Variants in KCNQ5 observed in about 807,000 individuals in gnomAD.
KCNQ5 encodes potassium voltage-gated channel subfamily KQT member 5.
A neutral mutation model predicts 98.2 loss-of-function variants in KCNQ5; 30 were observed. That is an observed-to-expected ratio of 0.31 (90% CI 0.23 to 0.41). The LOEUF is 0.41. KCNQ5 is among the 10% of genes least tolerant of loss of function. The probability of loss-of-function intolerance (pLI) is 1.00; values close to 1 mark genes in which losing one functional copy is unlikely to be tolerated. For synonymous variants in KCNQ5, 458 were observed against 449.4 expected (o/e 1.02, Z -0.24); for missense variants, 835 against 1,182.5 (o/e 0.71, Z 4.31).
intron 1 of KCNQ5, among the ~76,000 whole-genome samples, chr6:72,883,597 T>A (rs1379659618): frequency 6.6e-6 from 1 of 151,992 alleles, no homozygotes; most frequent in East Asian, 1.9e-4. Flanking sequence ...GTCAAAAAAA[T>A]AGAGCATTTG....
intron 9 of KCNQ5, among the ~76,000 whole-genome samples, chr6:73,131,055 A>G (rs1776212973): frequency 6.6e-6 from 1 of 152,178 alleles, no homozygotes; most frequent in African/African-American, 2.4e-5. Context: ...TAAGTGCTTT[A>G]AATGATACTA....
intron 2 of KCNQ5, among the ~76,000 whole-genome samples, chr6:73,023,553 C>T (rs1770710563): frequency 6.6e-6 from 1 of 152,166 alleles, no homozygotes; most frequent in Non-Finnish European, 1.5e-5. Context: ...CCAATATTAA[C>T]ACACTTCATT....
At chr6:73,029,515 G>A (rs9342995) in intron 2 of KCNQ5, among the ~76,000 whole-genome samples, 149,668 of 151,200 alleles carry the variant, frequency 0.99, 74,096 homozygotes, top group East Asian at 1. Flanking sequence ...TTTTTAAGCC[G>A]GTATAGAAAC....
intron 1 of KCNQ5, among the ~76,000 whole-genome samples, chr6:72,781,776 C>A (rs1425828158): frequency 1.3e-5 from 2 of 152,120 alleles, no homozygotes; most frequent in Non-Finnish European, 2.9e-5. Flanking sequence ...CTCAAGCCTG[C>A]TTTCAACTTG....
chr6:72,803,149 A>T (rs1774749117), intron 1 of KCNQ5, among the ~76,000 whole-genome samples: 1 of 152,170 alleles, frequency 6.6e-6, no homozygotes, highest in African/African-American at 2.4e-5. Flanking sequence ...TCTTAGACAC[A>T]ATCTTTGTTC....
At chr6:72,672,228 G>A (rs113106637) in intron 1 of KCNQ5, among the ~76,000 whole-genome samples, 5 of 151,186 alleles carry the variant, frequency 3.3e-5, no homozygotes, top group African/African-American at 1.2e-4. Flanking sequence ...GTATCCTCAT[G>A]CCTCAGCCTC....
At chr6:73,131,865 T>A (rs923992894) in intron 9 of KCNQ5, among the ~76,000 whole-genome samples, 9 of 152,340 alleles carry the variant, frequency 5.9e-5, no homozygotes, top group Non-Finnish European at 1.0e-4. Flanking sequence ...CTGCCCCGCC[T>A]GTTCTTTGCA....
At chr6:72,731,441 C>A (rs769651635) in intron 1 of KCNQ5, among the ~76,000 whole-genome samples, 4 of 152,212 alleles carry the variant, frequency 2.6e-5, no homozygotes, top group Non-Finnish European at 5.9e-5. Flanking sequence ...ATTTTTCTCT[C>A]ATGTAAATGA....
intron 1 of KCNQ5, among the ~76,000 whole-genome samples, chr6:72,744,574 G>A (rs1231276070): frequency 2.0e-5 from 3 of 152,294 alleles, no homozygotes; most frequent in Non-Finnish European, 4.4e-5. Flanking sequence ...ACTTTGGGAG[G>A]CCAAGGTGGG....
chr6:73,015,720 G>C (rs1446166623), intron 2 of KCNQ5, among the ~76,000 whole-genome samples: 1 of 152,090 alleles, frequency 6.6e-6, no homozygotes, highest in Non-Finnish European at 1.5e-5. Context: ...ATCTGATGGA[G>C]AGAGAAAGAG....
At chr6:72,962,610 G>A (rs1767429483) in intron 1 of KCNQ5, among the ~76,000 whole-genome samples, 2 of 152,092 alleles carry the variant, frequency 1.3e-5, no homozygotes, top group South Asian at 4.1e-4. Flanking sequence ...TAGTCCAGAG[G>A]GACATAGAGA....
rs547578170 is a variant in KCNQ5 at position 72,637,432 on chromosome 6, T to C, written c.398+14845T>C. On this transcript the variant is annotated intron_variant, in intron 1 of 13. Transcript: ENST00000370398. ...GAGTGCCCACTGCATATTGTGTTAT[T>C]GGAACACTTTGGAAACACTTCTTCC... is the stretch of plus-strand genomic sequence containing the variant. Among the ~76,000 whole-genome samples, 11 of 152,132 alleles carry C rather than the reference T, an allele frequency of 7.2e-5. No homozygotes were observed. In the East Asian group the frequency reaches 2.1e-3, roughly 30 times the overall value.
intron 1 of KCNQ5, among the ~76,000 whole-genome samples, chr6:72,891,215 CA>C (rs1271565241): frequency 1.3e-5 from 2 of 152,114 alleles, no homozygotes; most frequent in Non-Finnish European, 2.9e-5. Context: ...TTACTATGTC[CA>C]TAATGCTAGT....
intron 3 of KCNQ5, among the ~76,000 whole-genome samples, chr6:73,043,849 A>G (rs1463319308): frequency 6.6e-6 from 1 of 152,190 alleles, no homozygotes; most frequent in Non-Finnish European, 1.5e-5. Flanking sequence ...TCAGCTACGG[A>G]TACATCAACA....
chr6:73,179,701 T>G (rs1246975662), intron 11 of KCNQ5, among the ~76,000 whole-genome samples: 1 of 151,692 alleles, frequency 6.6e-6, no homozygotes, highest in African/African-American at 2.4e-5. Context: ...CTTCAGAAAC[T>G]TAATAATATC....
At chr6:72,982,509 T>G (rs1267121725) in intron 1 of KCNQ5, among the ~76,000 whole-genome samples, 1 of 96,376 alleles carries the variant, frequency 1.0e-5, no homozygotes, top group Non-Finnish European at 2.4e-5. Context: ...TTTTTTTTTT[T>G]GCTTTCCATT....
At chr6:72,642,682 T>C (rs547236939) in intron 1 of KCNQ5, among the ~76,000 whole-genome samples, 39 of 152,236 alleles carry the variant, frequency 2.6e-4, no homozygotes, top group Admixed American at 1.1e-3. Context: ...AGTGCAATCA[T>C]TGTGGAAAGC....
chr6:73,159,664 C>T (rs868034851), intron 10 of KCNQ5, among the ~76,000 whole-genome samples: 1 of 152,156 alleles, frequency 6.6e-6, no homozygotes, highest in South Asian at 2.1e-4. Flanking sequence ...TTTTAATTTA[C>T]AATTTTAAAA....
At chr6:73,083,190 G>A (rs9359013) in intron 5 of KCNQ5, among the ~76,000 whole-genome samples, 111,119 of 152,154 alleles carry the variant, frequency 0.73, 44,772 homozygotes, top group Non-Finnish European at 0.89. Flanking sequence ...CACTGTGCCC[G>A]TCCCATTCCT....
Sources: allele counts gnomAD v4.1 joint callset (sites outside exome capture counted in the v4.1 genomes callset), GRCh38; gene constraint gnomAD v4.1.1; transcripts MANE v1.5; gene names NCBI Gene and HGNC (gene_info 2026-07-23, HGNC 2026-07-21).